ABCA3: variants seen among roughly 807,000 people sequenced by gnomAD.
The protein encoded by ABCA3 is phospholipid-transporting ATPase ABCA3.
Under a neutral mutation model 172.8 loss-of-function variants are expected in ABCA3, and 88 were observed. The ratio of observed to expected loss-of-function variants is 0.51; its 90% confidence interval spans 0.43 to 0.61. The LOEUF (loss-of-function observed/expected upper bound fraction) is 0.61. Among genes scored for constraint, ABCA3 ranks in the 20% least tolerant of loss-of-function variants. The pLI is 0.00. For missense variants in ABCA3, 2,164 were observed against 2,301.0 expected (o/e 0.94, Z 1.22); for synonymous variants, 1,066 against 983.8 (o/e 1.08, Z -1.56).
intron 1 of ABCA3, among the ~76,000 whole-genome samples, chr16:2,335,899 T>C (rs960645816): frequency 1.3e-5 from 2 of 152,244 alleles, no homozygotes; most frequent in Non-Finnish European, 2.9e-5. Flanking sequence ...TTTCATGGCT[T>C]AGTATTTCAA....
In ABCA3 at chr16:2,283,917, G is replaced by C; in HGVS notation, c.3862+362C>G. The C allele has an allele frequency of 3.7e-6, 1 of 272,000 alleles. No individual in the cohort carries two copies. The allele number at this position is 272,000 out of a possible 1,614,324, so 16.8% of individuals were successfully genotyped here. ...CTGCCATGCGAGGATGGAGGCGGTG[G>C]TGGGGAGTAGGTGCAGCCAGGAGCT... is the stretch of plus-strand genomic sequence containing the variant. On this transcript the variant is annotated intron_variant, in intron 25 of 32. Transcript: ENST00000301732. This position sits in a 1 kb window ranked among gnomAD's most constrained non-coding sequence, Gnocchi z 5.4.
rs1011653872 is a variant in ABCA3 at position 2,297,669 on chromosome 16, C to G, written c.2052+97G>C. 1.9e-6 allele frequency: 3 copies of G among 1,592,238 alleles called. No individual in the cohort carries two copies. The highest frequency in any genetic ancestry group is 2.6e-6 in the Non-Finnish European group (3 of 1,173,842). On this transcript the variant is annotated intron_variant, in intron 16 of 32. Coordinates refer to ENST00000301732, the MANE Select transcript of ABCA3 (RefSeq NM_001089.3). The surrounding 1 kb of genome is among the most constrained non-coding windows in gnomAD (Gnocchi z 5.6). ...CCTCCAAGGATGGTGATGGCCTTGT[C>G]TGGGGTGTCAAGGGCCAAGGTGCCC...
intron 18 of ABCA3, 59 bp from the exon 19 acceptor site, chr16:2,292,297 C>G: frequency 6.8e-7 from 1 of 1,465,438 alleles, no homozygotes; most frequent in Non-Finnish European, 9.5e-7. Context: ...ATAATTTGTT[C>G]CTAAAGCATC....
chr16:2,330,441 T>A (rs2093741301), intron 1 of ABCA3, among the ~76,000 whole-genome samples: 1 of 148,702 alleles, frequency 6.7e-6, no homozygotes, highest in Admixed American at 6.7e-5. Flanking sequence ...TACCTCAGCC[T>A]CCCAAATAGC....
intron 1 of ABCA3, among the ~76,000 whole-genome samples, chr16:2,336,328 T>C (rs545080996): frequency 6.6e-6 from 1 of 152,266 alleles, no homozygotes; most frequent in African/African-American, 2.4e-5. Context: ...TAAATGAAAT[T>C]GAAAAACAAG....
chr16:2,322,845 A>G (rs2141736500), intron 7 of ABCA3, among the ~76,000 whole-genome samples: 1 of 152,274 alleles, frequency 6.6e-6, no homozygotes, highest in Middle Eastern at 3.4e-3. Flanking sequence ...AACAAAGGAA[A>G]CTACCATCAG....
At chr16:2,292,305 A>C in intron 18 of ABCA3, 67 bp from the exon 19 acceptor site, 1 of 1,400,756 alleles carries the variant, frequency 7.1e-7, no homozygotes, top group Non-Finnish European at 1.0e-6. Context: ...TTCCTAAAGC[A>C]TCACCCCCCC....
At chr16:2,336,273 T>G (rs2093751568) in intron 1 of ABCA3, among the ~76,000 whole-genome samples, 1 of 152,138 alleles carries the variant, frequency 6.6e-6, no homozygotes, top group Non-Finnish European at 1.5e-5. Flanking sequence ...TGATAGCCCC[T>G]GAACATACCC....
chr16:2,295,803 C>A (rs1163918112), intron 17 of ABCA3, 63 bp from the exon 18 acceptor site: 1 of 1,609,442 alleles, frequency 6.2e-7, no homozygotes, highest in Non-Finnish European at 8.5e-7. Context: ...ATGCCCACCC[C>A]GGGGTCTCTA....
rs771126428 is a variant in ABCA3 at position 2,328,427 on chromosome 16, ACTTCAAGAGTTCATGAG to A, written c.-27+9_-27+25del. ...ACCCAGAGTTAAGTTCATCTCATGA[ACTTCAAGAGTTCATGAG>A]CTGCTAACCTGCTAGAGAAGTAGGT... is the stretch of plus-strand genomic sequence containing the variant. On this transcript the variant is annotated intron_variant, in intron 3 of 32. Coordinates refer to ENST00000301732, the MANE Select transcript of ABCA3 (RefSeq NM_001089.3). The A allele has an allele frequency of 2.1e-6, 1 of 476,858 alleles. No homozygotes were observed. The highest frequency in any genetic ancestry group is 4.2e-6 in the Non-Finnish European group (1 of 238,702). The allele number at this position is 476,858 out of a possible 1,614,324, so 29.5% of individuals were successfully genotyped here. A position where few individuals can be genotyped will look rare whatever the true frequency, so the allele number is the denominator to read the frequency against.
rs765846519 is a variant in ABCA3 at position 2,323,519 on chromosome 16, T to C, written c.613+4A>G. ...GTAACACGAACCCTAACCGAGCTTC[T>C]CACCAGGTTCTCCGCCATCAGGGGA... On this transcript the variant is annotated splice_donor_region_variant and intron_variant, in intron 7 of 32. Coordinates refer to ENST00000301732, the MANE Select transcript of ABCA3 (RefSeq NM_001089.3). 19 of 1,614,106 alleles carry C rather than the reference T, an allele frequency of 1.2e-5. No individual in the cohort carries two copies. Among genetic ancestry groups the C allele is most frequent in the Non-Finnish European group, 2.5e-6 (3 of 1,180,006 alleles).
rs764759666 is a variant in ABCA3 at position 2,286,834 on chromosome 16, C to T, written c.3138G>A (p.Ala1046=). The T allele has an allele frequency of 3.2e-5, 52 of 1,614,106 alleles. No individual in the cohort carries two copies. The highest frequency in any genetic ancestry group is 8.0e-5 in the African/African-American group (6 of 75,018). Residue 1046 remains alanine, a synonymous_variant, in exon 22 of 33, where the codon GCG becomes GCA. Transcript: ENST00000301732. This position sits in a 1 kb window ranked among gnomAD's most constrained non-coding sequence, Gnocchi z 5.2. ...CCAGGGCAGTGGCTGGAGAGTGGTA[C>T]GCCTGGTTGTTGAACAAGGCGTTGA... ...TVVNALFNNQ[A]YHSPATALAV...
intron 11 of ABCA3, among the ~76,000 whole-genome samples, chr16:2,306,034 A>C (rs758633071): frequency 2.6e-5 from 4 of 152,148 alleles, no homozygotes; most frequent in Non-Finnish European, 5.9e-5. Flanking sequence ...ACTTTCAAAC[A>C]ACCAGAGATT....
intron 10 of ABCA3, among the ~76,000 whole-genome samples, chr16:2,314,872 C>CTTTTA: frequency 1.1e-5 from 1 of 93,472 alleles, no homozygotes; most frequent in African/African-American, 4.3e-5. Flanking sequence ...AGTGCCTGGT[C>CTTTTA]TTTTTTTTTT....
At chr16:2,298,610 C>CT (rs2093683923) in intron 14 of ABCA3, 70 bp from the exon 15 acceptor site, 5 of 1,572,742 alleles carry the variant, frequency 3.2e-6, no homozygotes, top group Non-Finnish European at 4.3e-6. Context: ...GTAATGACCC[C>CT]CCACCCCCTC....
chr16:2,284,497 C>G lies in ABCA3; in HGVS notation c.3704-60G>C, dbSNP rs1024296823. On this transcript the variant is annotated intron_variant, in intron 24 of 32. Transcript: ENST00000301732. This position sits in a 1 kb window ranked among gnomAD's most constrained non-coding sequence, Gnocchi z 5.9. ...GGGCACACCACACCCACCTCCAGGA[C>G]GGGCCTGGTCAGGGCGGGCACAGGG... 13 of 1,604,194 alleles carry G rather than the reference C, an allele frequency of 8.1e-6. No individual in the cohort carries two copies. In the Middle Eastern group the frequency reaches 5.3e-4, roughly 66 times the overall value.
intron 28 of ABCA3, among the ~76,000 whole-genome samples, chr16:2,280,745 C>G (rs1246501719): frequency 6.6e-6 from 1 of 152,232 alleles, no homozygotes; most frequent in Admixed American, 6.5e-5. Flanking sequence ...TGCCTGGACA[C>G]AGAATGGCCT....
In ABCA3 at chr16:2,285,650, C is replaced by A. The variant is rs377007687; in HGVS notation, c.3279-4G>T. 5.8e-6 allele frequency: 9 copies of A among 1,551,554 alleles called. No individual in the cohort carries two copies. Among genetic ancestry groups the A allele is most frequent in the East Asian group, 2.4e-5 (1 of 40,942 alleles). ...AATGTCGAATCCCTTCCGGCCCCTG[C>A]GGGGGACAGAGAAGGTCAGGGACGG... On this transcript the variant is annotated splice_polypyrimidine_tract_variant and splice_region_variant and intron_variant, in intron 22 of 32. Transcript: ENST00000301732. This position sits in a 1 kb window ranked among gnomAD's most constrained non-coding sequence, Gnocchi z 4.7.
At position 2,304,123 on chromosome 16, in the gene ABCA3, A is replaced by G. The variant is rs761336277; in HGVS notation, c.1313T>C (p.Leu438Pro). The change falls in exon 12 of 33, where the codon CTG becomes CCG. Residue 438 changes from leucine (L) to proline (P), a missense_variant. By Grantham distance (98) the Leu-to-Pro change is moderately conservative (BLOSUM62 -3). Around this residue, in one of 3 missense-constraint regions of ABCA3, gnomAD observed 1,343 missense variants for 1,369.6 expected, o/e 0.98. Coordinates refer to ENST00000301732, the MANE Select transcript of ABCA3 (RefSeq NM_001089.3). Reference protein sequence around the residue: ...KGMGIQWRDLLSPVNVDDDFC... With the variant: ...KGMGIQWRDLPSPVNVDDDFC... Reference sequence around the variant, plus strand: ...GTCGTCGTCCACGTTGACGGGACTCAGGAGGTCTCGCCACTGGATGCCCAT... The same window carrying G: ...GTCGTCGTCCACGTTGACGGGACTCGGGAGGTCTCGCCACTGGATGCCCAT... 2 of 1,614,050 alleles carry G rather than the reference A, an allele frequency of 1.2e-6. No homozygotes were observed. The highest frequency in any genetic ancestry group is 2.7e-5 in the African/African-American group (2 of 74,930).
Sources: gnomAD v4.1 joint callset for allele counts (sites outside exome capture counted in the v4.1 genomes callset) on GRCh38, gnomAD v4.1.1 for gene constraint, gnomAD v4.1.1 regional missense constraint, Gnocchi (gnomAD v3.1) non-coding constraint, MANE v1.5 for transcripts, NCBI Gene and HGNC (gene_info 2026-07-23, HGNC 2026-07-21) for gene names.